Variants in CHL1 observed in about 807,000 individuals in gnomAD.
The protein encoded by CHL1 is cell adhesion molecule L1 like, also known as neural cell adhesion molecule L1-like protein.
A neutral mutation model predicts 141.9 loss-of-function variants in CHL1; 96 were observed. The observed-to-expected ratio is 0.68, with a 90% CI of 0.57 to 0.80. The LOEUF is 0.80. Among genes scored for constraint, CHL1 ranks in the 30% least tolerant of loss-of-function variants. CHL1 has a pLI of 0.00. For missense variants in CHL1, 1,820 were observed against 1,457.2 expected (o/e 1.25, Z -4.05); for synonymous variants, 613 against 502.2 (o/e 1.22, Z -2.95).
intron 11 of CHL1, among the ~76,000 whole-genome samples, chr3:357,930 T>A (rs1009994113): frequency 6.6e-6 from 1 of 151,964 alleles, no homozygotes; most frequent in Non-Finnish European, 1.5e-5. Flanking sequence ...AAGTGAAGAG[T>A]GGGATTAGAG....
intron 1 of CHL1, among the ~76,000 whole-genome samples, chr3:209,633 T>C (rs1699732239): frequency 6.6e-6 from 1 of 152,182 alleles, no homozygotes; most frequent in East Asian, 1.9e-4. Flanking sequence ...GTTACATATG[T>C]ATACATGTGC....
At chr3:328,702 T>TAAAG (rs1357330920) in intron 5 of CHL1, among the ~76,000 whole-genome samples, 1 of 152,128 alleles carries the variant, frequency 6.6e-6, no homozygotes, top group African/African-American at 2.4e-5. Context: ...ATAAAGTTAT[T>TAAAG]CCCCGATAAA....
chr3:341,682 A>G (rs1702358277), intron 6 of CHL1, among the ~76,000 whole-genome samples: 1 of 152,078 alleles, frequency 6.6e-6, no homozygotes, highest in African/African-American at 2.4e-5. Flanking sequence ...CTACTGGTGG[A>G]CTTCTTTGGT....
intron 9 of CHL1, among the ~76,000 whole-genome samples, chr3:348,735 C>T (rs1313716738): frequency 1.3e-5 from 2 of 152,188 alleles, no homozygotes; most frequent in Non-Finnish European, 2.9e-5. Context: ...GTTCATTCCT[C>T]CTTTCCTCTG....
Position 360,375 on chromosome 3 carries a change from C to G in CHL1, c.1257C>G (p.Ala419=). The G allele has an allele frequency of 6.2e-7, 1 of 1,613,812 alleles. No homozygotes were observed. Among genetic ancestry groups the G allele is most frequent in the Non-Finnish European group, 8.5e-7 (1 of 1,179,830 alleles). ...ATACTGCTGTGTACCAGTGTGAAGC[C>G]TCAAATGTCCATGGAACTATCCTTG... ...PNHTAVYQCE[A]SNVHGTILAN... is the part of the protein sequence containing the mutation. The change falls in exon 12 of 28, where the codon GCC becomes GCG. Residue 419 remains alanine (A), a synonymous_variant. Transcript: ENST00000256509.
intron 1 of CHL1, chr3:213,394 A>G (rs1382824509): frequency 6.6e-6 from 1 of 152,174 alleles, no homozygotes; most frequent in African/African-American, 2.4e-5. Context: ...TGAACATTAA[A>G]TGAAAATTTA....
intron 1 of CHL1, among the ~76,000 whole-genome samples, chr3:212,133 G>A (rs943488111): frequency 6.6e-6 from 1 of 152,078 alleles, no homozygotes; most frequent in Non-Finnish European, 1.5e-5. Context: ...AATGCAGAGT[G>A]GTAGAGGCTG....
intron 1 of CHL1, among the ~76,000 whole-genome samples, chr3:224,106 T>TA (rs1390033766): frequency 6.6e-6 from 1 of 152,200 alleles, no homozygotes; most frequent in Non-Finnish European, 1.5e-5. Flanking sequence ...TACATCCTAA[T>TA]AGAGTTCAGG....
rs578260271 is a variant in CHL1 at position 409,305 on chromosome 3, T to C, written c.*3594T>C. 1 of 152,108 alleles carries C rather than the reference T, an allele frequency of 6.6e-6. No individual in the cohort carries two copies. The highest frequency in any genetic ancestry group is 1.5e-5 in the Non-Finnish European group (1 of 67,996). The allele number at this position is 152,108 out of a possible 1,614,324, so 9.4% of individuals were successfully genotyped here. A position where few individuals can be genotyped will look rare whatever the true frequency, so the allele number is the denominator to read the frequency against. The stretch of plus-strand genomic sequence containing the variant: ...AGTAGAACTTTATAAAACGTGTTTG[T>C]ATTGTAGGTGGTGTTTGTATTATGC... On this transcript the variant is annotated 3_prime_UTR_variant, in exon 28 of 28. Transcript: ENST00000256509.
intron 1 of CHL1, among the ~76,000 whole-genome samples, chr3:215,401 T>C (rs1442434536): frequency 6.6e-6 from 1 of 152,166 alleles, no homozygotes; most frequent in Admixed American, 6.5e-5. Flanking sequence ...GACTCCGGAA[T>C]GTATCAAGGA....
chr3:388,767 TA>T (rs1419150987), intron 19 of CHL1, among the ~76,000 whole-genome samples: 1 of 152,174 alleles, frequency 6.6e-6, no homozygotes, highest in East Asian at 1.9e-4. Context: ...TCTCTTCTTA[TA>T]GAAGAAAAAT....
chr3:221,320 A>G (rs778188344), intron 1 of CHL1, among the ~76,000 whole-genome samples: 1 of 152,200 alleles, frequency 6.6e-6, no homozygotes, highest in Non-Finnish European at 1.5e-5. Flanking sequence ...CTTTTCATTG[A>G]CACTAATCAT....
intron 16 of CHL1, among the ~76,000 whole-genome samples, chr3:378,765 G>C (rs1052267133): frequency 1.3e-5 from 2 of 152,196 alleles, no homozygotes; most frequent in South Asian, 4.2e-4. Flanking sequence ...CTGCAGACAG[G>C]GTCTCCTCAC....
At chr3:354,606 A>C (rs767787496) in intron 10 of CHL1, 34 bp from the exon 11 acceptor site, 12 of 1,576,396 alleles carry the variant, frequency 7.6e-6, no homozygotes, top group Non-Finnish European at 1.0e-5. Flanking sequence ...TGACATAGAT[A>C]ACATCTCTCA....
At chr3:239,019 A>C (rs1041684255) in intron 1 of CHL1, among the ~76,000 whole-genome samples, 7 of 152,014 alleles carry the variant, frequency 4.6e-5, no homozygotes, top group Non-Finnish European at 8.8e-5. Flanking sequence ...TGTAGCTTAT[A>C]TAGCAGCTGT....
intron 2 of CHL1, among the ~76,000 whole-genome samples, chr3:263,028 G>T (rs3872667): frequency 0.11 from 17,349 of 152,098 alleles, 1,330 homozygotes; most frequent in East Asian, 0.37. Context: ...ATTCAGAATC[G>T]CCTTGAAACA....
At chr3:271,100 A>G (rs1559363022) in intron 2 of CHL1, among the ~76,000 whole-genome samples, 1 of 152,340 alleles carries the variant, frequency 6.6e-6, no homozygotes, top group East Asian at 1.9e-4. Context: ...CACCCTGTGA[A>G]AAGCCAAAAA....
chr3:344,520 GAT>G, intron 8 of CHL1, 67 bp from the exon 9 acceptor site: 1 of 1,200,570 alleles, frequency 8.3e-7, no homozygotes, highest in Non-Finnish European at 1.2e-6. Context: ...TTTTAAGAAA[GAT>G]GTGGTGTCAC....
intron 1 of CHL1, among the ~76,000 whole-genome samples, chr3:227,637 T>C (rs1701475315): frequency 6.6e-6 from 1 of 152,250 alleles, no homozygotes; most frequent in Non-Finnish European, 1.5e-5. Flanking sequence ...AATGCTGACA[T>C]ATCAGAGATG....
Sources: gnomAD v4.1 joint callset for allele counts (sites outside exome capture counted in the v4.1 genomes callset) on GRCh38, gnomAD v4.1.1 for gene constraint, MANE v1.5 for transcripts, NCBI Gene and HGNC (gene_info 2026-07-23, HGNC 2026-07-21) for gene names.